MAST2: variants seen among roughly 807,000 people sequenced by gnomAD.
The protein encoded by MAST2 is microtubule-associated serine/threonine-protein kinase 2.
MAST2 carries 70 observed loss-of-function variants against 147.4 expected under a neutral mutation model. The ratio of observed to expected loss-of-function variants is 0.47; its 90% CI spans 0.39 to 0.58. MAST2 has a LOEUF of 0.58. MAST2 is among the 20% of genes least tolerant of loss of function. The pLI is 0.00. For synonymous variants in MAST2, 869 were observed against 896.8 expected (o/e 0.97, Z 0.55); for missense variants, 2,080 against 2,302.3 (o/e 0.90, Z 1.98).
At chr1:45,953,762 T>C (rs1659268688) in intron 4 of MAST2, among the ~76,000 whole-genome samples, 1 of 152,176 alleles carries the variant, frequency 6.6e-6, no homozygotes, top group African/African-American at 2.4e-5. Context: ...TTTAAAAGAA[T>C]CACTGTGGCT....
chr1:45,894,690 C>T (rs973373210), intron 4 of MAST2, among the ~76,000 whole-genome samples: 1 of 152,122 alleles, frequency 6.6e-6, no homozygotes, highest in Admixed American at 6.5e-5. Context: ...TATTATAAAC[C>T]ATGACAGCCA....
intron 5 of MAST2, among the ~76,000 whole-genome samples, chr1:45,968,543 G>A (rs1409077914): frequency 1.3e-5 from 2 of 151,472 alleles, no homozygotes; most frequent in Middle Eastern, 3.4e-3. Context: ...TTGCTTGTGC[G>A]GTTTGTGAGA....
intron 2 of MAST2, among the ~76,000 whole-genome samples, chr1:45,825,167 A>G (rs1644753745): frequency 6.6e-6 from 1 of 152,084 alleles, no homozygotes; most frequent in Non-Finnish European, 1.5e-5. Context: ...CTGGGACTAC[A>G]GGCATCCGCC....
chr1:45,855,338 T>TG lies in MAST2; in HGVS notation c.468+25757_468+25758insG, dbSNP rs921063893. Among the ~76,000 whole-genome samples, 358 of 151,824 alleles carry TG rather than the reference T, an allele frequency of 2.4e-3. 2 individuals carry two copies. The highest frequency in any genetic ancestry group is 8.4e-3 in the African/African-American group (349 of 41,364). ...TAAGTTTTGAGGAGAAATGGCTTTT[T>TG]TTTTCTATTTGATTCTTCTGACCCA... On this transcript the variant is annotated intron_variant, in intron 3 of 28. Coordinates refer to ENST00000361297, the MANE Select transcript of MAST2 (RefSeq NM_015112.3).
intron 5 of MAST2, among the ~76,000 whole-genome samples, chr1:45,989,564 T>A (rs916089718): frequency 1.3e-5 from 2 of 152,230 alleles, no homozygotes; most frequent in Admixed American, 6.5e-5. Context: ...TATTTTTTTT[T>A]AATTTGCCTT....
At chr1:45,903,722 C>T (rs766094223) in intron 4 of MAST2, among the ~76,000 whole-genome samples, 19 of 152,020 alleles carry the variant, frequency 1.2e-4, no homozygotes, top group Non-Finnish European at 2.6e-4. Flanking sequence ...AACATGTGGT[C>T]AATTTTAGAG....
chr1:45,853,417 C>T (rs1477241689), intron 3 of MAST2, among the ~76,000 whole-genome samples: 4 of 151,928 alleles, frequency 2.6e-5, no homozygotes, highest in Non-Finnish European at 2.9e-5. Context: ...TGCAGTGGCT[C>T]GATCTCGGCT....
chr1:45,848,099 A>T (rs1426968342), intron 3 of MAST2, among the ~76,000 whole-genome samples: 1 of 152,216 alleles, frequency 6.6e-6, no homozygotes, highest in Non-Finnish European at 1.5e-5. Context: ...TATCTATAGA[A>T]TGTATAGGGA....
intron 4 of MAST2, among the ~76,000 whole-genome samples, chr1:45,896,639 GAGA>G (rs1361257643): frequency 2.0e-5 from 3 of 152,156 alleles, no homozygotes; most frequent in African/African-American, 7.2e-5. Context: ...AGGAGAGCTG[GAGA>G]AGGTCAGAGG....
intron 4 of MAST2, among the ~76,000 whole-genome samples, chr1:45,948,706 CAAAAAAAAAAAAAA>C (rs34012353): frequency 7.5e-5 from 3 of 40,238 alleles, no homozygotes; most frequent in Admixed American, 9.6e-4. Flanking sequence ...GACTCCATCT[CAAAAAAAAAAAAAA>C]AAAAAAAAAA....
rs575553072 is a variant in MAST2 at position 45,828,629 on chromosome 1, A to C, written c.326-810A>C. On this transcript the variant is annotated intron_variant, in intron 2 of 28. Transcript: ENST00000361297. ...GAAATGAGACCTTCACCTCATTTAT[A>C]AAGTCATTGCAGGTCGGGCGTGGTG... is the stretch of plus-strand genomic sequence containing the variant. Among the ~76,000 whole-genome samples, 4 of 152,348 alleles carry C rather than the reference A, an allele frequency of 2.6e-5. No homozygotes were observed. The East Asian group carries it at 7.7e-4, about 29-fold the overall frequency.
chr1:45,976,794 A>G (rs553079407), intron 5 of MAST2, among the ~76,000 whole-genome samples: 1 of 152,238 alleles, frequency 6.6e-6, no homozygotes, highest in Non-Finnish European at 1.5e-5. Flanking sequence ...TAAGAGATTA[A>G]ATCAGTGGCA....
At chr1:45,970,814 T>C (rs1376624997) in intron 5 of MAST2, among the ~76,000 whole-genome samples, 3 of 151,572 alleles carry the variant, frequency 2.0e-5, no homozygotes, top group Non-Finnish European at 2.9e-5. Flanking sequence ...TTTTTTTTTT[T>C]TCTCCTCCAG....
rs1000633568 is a variant in MAST2, at chr1:45,909,803, A to AC, written c.500+27412dup. Among the ~76,000 whole-genome samples the AC allele has an allele frequency of 6.6e-4, 99 of 151,044 alleles. 1 individual carries two copies. The highest frequency in any genetic ancestry group is 2.3e-3 in the African/African-American group (93 of 41,012). ...AGTGCTGGGATTACAGGCGTGAGCC[A>AC]CCCCACCTGGCCCTTTCTTTTCTTT... On this transcript the variant is annotated intron_variant, in intron 4 of 28. Coordinates refer to ENST00000361297, the MANE Select transcript of MAST2 (RefSeq NM_015112.3).
chr1:45,852,464 T>C (rs1280487786), intron 3 of MAST2, among the ~76,000 whole-genome samples: 3 of 151,908 alleles, frequency 2.0e-5, no homozygotes, highest in Admixed American at 2.0e-4. Context: ...CAGTCTCAGG[T>C]GATCCTCCTG....
chr1:45,829,684 A>C (rs1644893219), intron 3 of MAST2, 103 bp downstream of exon 3: 2 of 1,244,416 alleles, frequency 1.6e-6, no homozygotes, highest in African/African-American at 1.5e-5. Flanking sequence ...TGGAGAATTC[A>C]GTTTCCCAAA....
At chr1:45,930,862 G>C (rs1655177464) in intron 4 of MAST2, among the ~76,000 whole-genome samples, 1 of 152,098 alleles carries the variant, frequency 6.6e-6, no homozygotes, top group Non-Finnish European at 1.5e-5. Context: ...CAAGGAATAT[G>C]TGACAGAGAC....
At chr1:45,892,902 G>A (rs1648073595) in intron 4 of MAST2, among the ~76,000 whole-genome samples, 1 of 152,148 alleles carries the variant, frequency 6.6e-6, no homozygotes, top group South Asian at 2.1e-4. Context: ...AGACAGTGAA[G>A]GTTACATCTG....
intron 4 of MAST2, among the ~76,000 whole-genome samples, chr1:45,892,439 T>A (rs1647971132): frequency 6.6e-6 from 1 of 152,218 alleles, no homozygotes; most frequent in African/African-American, 2.4e-5. Flanking sequence ...ATTACTATAA[T>A]CATTTCTTAT....
Sources: gnomAD v4.1 joint callset for allele counts (sites outside exome capture counted in the v4.1 genomes callset) on GRCh38, gnomAD v4.1.1 for gene constraint, MANE v1.5 for transcripts, NCBI Gene and HGNC (gene_info 2026-07-23, HGNC 2026-07-21) for gene names.